WDFY3: variants seen among roughly 807,000 people sequenced by gnomAD.
The protein encoded by WDFY3 is WD repeat and FYVE domain-containing protein 3.
In WDFY3, 66 loss-of-function variants were observed where a neutral mutation model predicts 409.6. The ratio of observed to expected loss-of-function variants is 0.16; its 90% CI spans 0.13 to 0.20. The LOEUF (loss-of-function observed/expected upper bound fraction) is 0.20, where lower values mean the gene tolerates loss of function less well. Among genes scored for constraint, WDFY3 ranks in the 10% least tolerant of loss-of-function variants. The pLI is 1.00. For missense variants in WDFY3, 3,031 were observed against 4,298.1 expected, an observed-to-expected ratio of 0.71 and a Z score of 8.24; for synonymous variants, 1,521 against 1,537.1, an observed-to-expected ratio of 0.99 and a Z score of 0.25.
At chr4:84,809,760 C>T in intron 14 of WDFY3, 127 bp downstream of exon 14, 3 of 860,208 alleles carry the variant, frequency 3.5e-6, no homozygotes, top group Non-Finnish European at 5.2e-6. Flanking sequence ...AAGTGATACA[C>T]TTCAAACAAA....
In WDFY3 at chr4:84,917,660, T is replaced by C. The variant is rs536544746; in HGVS notation, c.-132+14610A>G. Among the ~76,000 whole-genome samples, 13 of 152,160 alleles carry C rather than the reference T, an allele frequency of 8.5e-5. No homozygotes were observed. In the East Asian group the frequency reaches 2.5e-3, roughly 29 times the overall value. ...CAAATTCATTTCAAACTCTTTATGTTTTTTACAACTATGACTCAAAATGCG... is the reference window on the plus strand; with the variant it reads ...CAAATTCATTTCAAACTCTTTATGTCTTTTACAACTATGACTCAAAATGCG... On this transcript the variant is annotated intron_variant, in intron 2 of 67. Transcript: ENST00000295888.
intron 36 of WDFY3, among the ~76,000 whole-genome samples, chr4:84,746,333 T>C (rs192283530): frequency 1.8e-4 from 28 of 151,896 alleles, no homozygotes; most frequent in African/African-American, 6.3e-4. Context: ...AGAAAGCTAC[T>C]CTTTCAGGTT....
chr4:84,781,710 T>C (rs1436990186), intron 25 of WDFY3, among the ~76,000 whole-genome samples: 1 of 152,094 alleles, frequency 6.6e-6, no homozygotes, highest in Non-Finnish European at 1.5e-5. Context: ...GGAACCTAAG[T>C]CTCTGAACTT....
chr4:84,742,414 C>T (rs1446567356), intron 37 of WDFY3, among the ~76,000 whole-genome samples: 2 of 152,098 alleles, frequency 1.3e-5, no homozygotes, highest in African/African-American at 4.8e-5. Context: ...TGTTTAGCCC[C>T]TCCATCATTA....
In WDFY3 at chr4:84,755,299, T is replaced by C. The variant is rs1741245949; in HGVS notation, c.5526A>G (p.Leu1842=). The C allele has an allele frequency of 6.8e-6, 11 of 1,612,576 alleles. No individual in the cohort carries two copies. Among genetic ancestry groups the C allele is most frequent in the Non-Finnish European group, 9.3e-6 (11 of 1,179,588 alleles). Reference sequence around the variant, plus strand: ...GCATGCTGCGGAGCATTCCCAATAATAAAAAAACAGCTTCTGTGCATACGT... The same window carrying C: ...GCATGCTGCGGAGCATTCCCAATAACAAAAAAACAGCTTCTGTGCATACGT... ...IHNVCTEAVF[L]LLGMLRSMLT... Residue 1842 remains leucine (L), a synonymous_variant, in exon 34 of 68, where the codon TTA becomes TTG. Coordinates refer to ENST00000295888, the MANE Select transcript of WDFY3 (RefSeq NM_014991.6).
chr4:84,803,588 G>GA, intron 15 of WDFY3, 121 bp from the exon 16 acceptor site: 1 of 1,068,416 alleles, frequency 9.4e-7, no homozygotes. Context: ...GGTTGGGATA[G>GA]AAAAAAAGGA....
chr4:84,748,466 T>A (rs992427579), intron 36 of WDFY3, among the ~76,000 whole-genome samples: 1 of 152,128 alleles, frequency 6.6e-6, no homozygotes, highest in Non-Finnish European at 1.5e-5. Flanking sequence ...CTCACAATAA[T>A]CTTGTAAGAG....
chr4:84,910,696 C>A (rs1356832129), intron 2 of WDFY3, among the ~76,000 whole-genome samples: 1 of 151,872 alleles, frequency 6.6e-6, no homozygotes, highest in African/African-American at 2.4e-5. Context: ...ATGGGCAACT[C>A]CTCAATGTTT....
intron 1 of WDFY3, among the ~76,000 whole-genome samples, chr4:84,944,552 A>G (rs1339779316): frequency 1.3e-5 from 2 of 149,762 alleles, no homozygotes; most frequent in East Asian, 2.0e-4. Context: ...GGCTGGGTGC[A>G]GTGGCTCATG....
intron 1 of WDFY3, among the ~76,000 whole-genome samples, chr4:84,936,434 T>A (rs1345310015): frequency 6.6e-6 from 1 of 152,010 alleles, no homozygotes; most frequent in African/African-American, 2.4e-5. Flanking sequence ...GGCAGGAGGA[T>A]CACTTAAGTC....
chr4:84,718,721 T>C lies in WDFY3; in HGVS notation c.7606-151A>G, dbSNP rs551521234. 25 of 952,058 alleles carry C rather than the reference T, an allele frequency of 2.6e-5. No individual in the cohort carries two copies. In the South Asian group the frequency reaches 5.4e-4, roughly 21 times the overall value. 59.0% of individuals were successfully genotyped at this position (952,058 alleles called of 1,614,324 possible). On this transcript the variant is annotated intron_variant, in intron 47 of 67. Transcript: ENST00000295888. ...AGCTTAGATTACAGTCTGATTTACATCTGACTAGAGTAAAACTAAACAATT... is the reference window on the plus strand; with the variant it reads ...AGCTTAGATTACAGTCTGATTTACACCTGACTAGAGTAAAACTAAACAATT...
intron 53 of WDFY3, among the ~76,000 whole-genome samples, chr4:84,707,870 A>G (rs1732231736): frequency 6.6e-6 from 1 of 152,188 alleles, no homozygotes; most frequent in African/African-American, 2.4e-5. Context: ...ACCCATGCAT[A>G]TAGGGTGGAT....
intron 50 of WDFY3, among the ~76,000 whole-genome samples, chr4:84,715,016 A>T (rs1578224118): frequency 6.6e-6 from 1 of 152,282 alleles, no homozygotes; most frequent in East Asian, 1.9e-4. Context: ...CAGTTTCATC[A>T]TCCTTTGTAT....
chr4:84,797,004 A>ATCTCATT (rs1749563908), intron 18 of WDFY3, among the ~76,000 whole-genome samples: 1 of 152,208 alleles, frequency 6.6e-6, no homozygotes, highest in African/African-American at 2.4e-5. Context: ...AACATCTCAA[A>ATCTCATT]TAATTGTCAT....
intron 8 of WDFY3, 31 bp downstream of exon 8, chr4:84,831,382 A>T: frequency 7.2e-7 from 1 of 1,391,744 alleles, no homozygotes; most frequent in Non-Finnish European, 9.5e-7. Context: ...GAAGAAATTT[A>T]GAACACTTAA....
chr4:84,778,693 A>G (rs748055933), intron 26 of WDFY3, 38 bp from the exon 27 acceptor site: 4 of 1,585,312 alleles, frequency 2.5e-6, no homozygotes, highest in South Asian at 1.2e-5. Context: ...TTGATAAATC[A>G]TCATATATAT....
chr4:84,812,319 A>G (rs1189956758), intron 13 of WDFY3, among the ~76,000 whole-genome samples: 1 of 152,030 alleles, frequency 6.6e-6, no homozygotes, highest in African/African-American at 2.4e-5. Context: ...TCATATTAAC[A>G]AAAGACTTAA....
At chr4:84,743,863 A>C in intron 36 of WDFY3, 64 bp from the exon 37 acceptor site, 2 of 1,136,880 alleles carry the variant, frequency 1.8e-6, no homozygotes, top group Non-Finnish European at 2.5e-6. Context: ...GCTCAACCAC[A>C]TTTACATTAC....
At chr4:84,897,232 T>C (rs758691011) in intron 2 of WDFY3, among the ~76,000 whole-genome samples, 2 of 152,190 alleles carry the variant, frequency 1.3e-5, no homozygotes, top group African/African-American at 2.4e-5. Flanking sequence ...AGTGTTTTTA[T>C]GGGTTTCCCA....
Sources: gnomAD v4.1 joint callset for allele counts (sites outside exome capture counted in the v4.1 genomes callset) on GRCh38, gnomAD v4.1.1 for gene constraint, MANE v1.5 for transcripts, NCBI Gene and HGNC (gene_info 2026-07-23, HGNC 2026-07-21) for gene names.